PCDH17: variants seen among roughly 807,000 people sequenced by gnomAD.
PCDH17 encodes the protein protocadherin 17.
Under a neutral mutation model 67.7 loss-of-function variants are expected in PCDH17, and 21 were observed. The observed-to-expected ratio is 0.31, with a 90% confidence interval of 0.22 to 0.45. The LOEUF is 0.45. Ranked by LOEUF, PCDH17 falls within the 20% of genes least tolerant of loss-of-function variation. PCDH17 has a pLI of 1.00. For missense variants in PCDH17, 1,471 were observed against 1,564.8 expected (o/e 0.94, Z 1.01); for synonymous variants, 701 against 656.7 (o/e 1.07, Z -1.03).
At chr13:57,652,634 G>C (rs963335615) in intron 1 of PCDH17, among the ~76,000 whole-genome samples, 2 of 152,154 alleles carry the variant, frequency 1.3e-5, no homozygotes, top group Admixed American at 1.3e-4. Flanking sequence ...AACTGTTGTA[G>C]GATAGTGAAT....
chr13:57,632,493 C>G lies in PCDH17; in HGVS notation c.-54C>G, dbSNP rs932815757. 2.3e-5 allele frequency: 35 copies of G among 1,550,816 alleles called. No homozygotes were observed. The highest frequency in any genetic ancestry group is 3.0e-5 in the Non-Finnish European group (34 of 1,146,338). On this transcript the variant is annotated 5_prime_UTR_variant, in exon 1 of 4. Transcript: ENST00000377918. ...CCAGGGCCCCAGGCTGGCGCGCACT[C>G]CCTCTCTGGCTCCTCCAGTCCGATT...
rs1464706411 is a variant in PCDH17 at position 57,632,270 on chromosome 13, G to C, written c.-277G>C. ...AGACGAAACCCCTGGCTCACCCCCAGCCGCAGGAAGCCACCGCCTTGCTCC... is the reference window on the plus strand; with the variant it reads ...AGACGAAACCCCTGGCTCACCCCCACCCGCAGGAAGCCACCGCCTTGCTCC... On this transcript the variant is annotated 5_prime_UTR_variant, in exon 1 of 4. Coordinates refer to ENST00000377918, the MANE Select transcript of PCDH17 (RefSeq NM_001040429.3). The C allele has an allele frequency of 2.0e-6, 1 of 500,024 alleles. No individual in the cohort carries two copies. Among genetic ancestry groups the C allele is most frequent in the African/African-American group, 2.0e-5 (1 of 51,254 alleles). The allele number at this position is 500,024 out of a possible 1,614,324, so 31.0% of individuals were successfully genotyped here. A position where few individuals can be genotyped will look rare whatever the true frequency, so the allele number is the denominator to read the frequency against.
intron 1 of PCDH17, among the ~76,000 whole-genome samples, chr13:57,641,581 AAAAAAAAT>A (rs1954901272): frequency 1.4e-5 from 1 of 71,592 alleles, no homozygotes; most frequent in Admixed American, 1.7e-4. Context: ...AAAAAAAAAA[AAAAAAAAT>A]ATATATATAT....
intron 3 of PCDH17, among the ~76,000 whole-genome samples, chr13:57,718,163 A>G (rs1955839026): frequency 6.6e-6 from 1 of 152,068 alleles, no homozygotes; most frequent in African/African-American, 2.4e-5. Flanking sequence ...TAGCTTAGCT[A>G]AGCAAGGGAT....
At chr13:57,662,313 A>C (rs1469205482) in intron 1 of PCDH17, among the ~76,000 whole-genome samples, 3 of 152,214 alleles carry the variant, frequency 2.0e-5, no homozygotes, top group Non-Finnish European at 4.4e-5. Context: ...TTTTTCTGAG[A>C]ATTTGCATGG....
At chr13:57,669,365 A>G (rs1955293680) in intron 3 of PCDH17, among the ~76,000 whole-genome samples, 1 of 150,730 alleles carries the variant, frequency 6.6e-6, no homozygotes, top group African/African-American at 2.4e-5. Flanking sequence ...CTCTCTCTCT[A>G]TTTCTCCCCT....
upstream of PCDH17, among the ~76,000 whole-genome samples, chr13:57,631,556 A>G (rs542212766): frequency 7.2e-5 from 11 of 152,154 alleles, no homozygotes; most frequent in Non-Finnish European, 1.6e-4. Context: ...TAGAGAAATC[A>G]GAGAGTGTGT....
Position 57,725,442 on chromosome 13 carries a change from T to C in PCDH17, c.*148T>C. On this transcript the variant is annotated 3_prime_UTR_variant, in exon 4 of 4. Transcript: ENST00000377918. ...AGTGAACATCTGAAGTGCCCACAAGTATGTTCTTTCCACTGCTGATTTCTT... is the reference window on the plus strand; with the variant it reads ...AGTGAACATCTGAAGTGCCCACAAGCATGTTCTTTCCACTGCTGATTTCTT... 1 of 653,766 alleles carries C rather than the reference T, an allele frequency of 1.5e-6. No homozygotes were observed. 40.5% of individuals were successfully genotyped at this position (653,766 alleles called of 1,614,324 possible).
chr13:57,641,571 AAAAAAAAAAAAAAAAAAT>A (rs1196410298), intron 1 of PCDH17, among the ~76,000 whole-genome samples: 13 of 33,084 alleles, frequency 3.9e-4, no homozygotes, highest in African/African-American at 1.5e-3. Context: ...AAAAAAAAAA[AAAAAAAAAAAAAAAAAAT>A]ATATATATAT....
rs766245927 is a variant in PCDH17 at position 57,634,249 on chromosome 13, C to A, written c.1703C>A (p.Thr568Lys). ...CCCGCGCACTTGGAGAGCAACGCCA[C>A]GGTGAGGGTGACAGTGCTAGACGTG... is the stretch of plus-strand genomic sequence containing the variant. The part of the protein sequence containing the change: ...GAPAHLESNA[T>K]VRVTVLDVND... The change falls in exon 1 of 4, where the codon ACG (threonine) becomes AAG (lysine). Residue 568 changes from threonine to lysine, a missense_variant. Physicochemically the swap from Thr to Lys is moderately conservative, Grantham distance 78. Around this residue, in one of 3 missense-constraint regions of PCDH17, gnomAD observed 1,163 missense variants for 1,230.0 expected, o/e 0.95. Coordinates refer to ENST00000377918, the MANE Select transcript of PCDH17 (RefSeq NM_001040429.3). This position sits in a 1 kb window ranked among gnomAD's most constrained non-coding sequence, Gnocchi z 7.8. 1.2e-6 allele frequency: 2 copies of A among 1,613,268 alleles called. No individual in the cohort carries two copies. The highest frequency in any genetic ancestry group is 8.5e-7 in the Non-Finnish European group (1 of 1,180,032).
intron 1 of PCDH17, among the ~76,000 whole-genome samples, chr13:57,645,196 T>C (rs1300031364): frequency 1.3e-5 from 2 of 151,720 alleles, no homozygotes; most frequent in Non-Finnish European, 3.0e-5. Context: ...GATCAGTGTT[T>C]TAACTCTCTA....
chr13:57,724,723 G>A lies in PCDH17; in HGVS notation c.2909G>A (p.Arg970His), dbSNP rs149002900. 36 of 1,614,020 alleles carry A rather than the reference G, an allele frequency of 2.2e-5. No homozygotes were observed. In the African/African-American group the frequency reaches 2.4e-4, roughly 11 times the overall value. ...AANQAENADY[R>H]TNLFVPTVEA... The stretch of plus-strand genomic sequence containing the variant: ...AATCAGGCTGAAAATGCAGATTACC[G>A]CACAAATCTCTTTGTACCTACAGTT... The change falls in exon 4 of 4, where the codon CGC becomes CAC. Residue 970 changes from arginine (R) to histidine (H), a missense_variant. Physicochemically the swap from Arg to His is conservative, Grantham distance 29. Transcript: ENST00000377918.
At chr13:57,692,882 C>CA (rs1308686773) in intron 3 of PCDH17, among the ~76,000 whole-genome samples, 2 of 151,048 alleles carry the variant, frequency 1.3e-5, no homozygotes, top group African/African-American at 4.8e-5. Context: ...TGAAACATAT[C>CA]ATAAAACCTT....
chr13:57,685,751 C>T (rs1593926299), intron 3 of PCDH17, among the ~76,000 whole-genome samples: 1 of 151,770 alleles, frequency 6.6e-6, no homozygotes, highest in East Asian at 2.0e-4. Context: ...TCCTAGAACA[C>T]AAAAAGGACA....
intron 1 of PCDH17, among the ~76,000 whole-genome samples, chr13:57,666,002 G>T (rs1233649439): frequency 6.6e-6 from 1 of 152,112 alleles, no homozygotes; most frequent in Non-Finnish European, 1.5e-5. Flanking sequence ...GAAAGGCCCT[G>T]CATCTCTTAA....
At chr13:57,703,432 TAAG>T (rs1374995667) in intron 3 of PCDH17, among the ~76,000 whole-genome samples, 7 of 152,088 alleles carry the variant, frequency 4.6e-5, no homozygotes, top group Non-Finnish European at 8.8e-5. Context: ...GGAGGAAAGA[TAAG>T]GAGGAGTGAG....
chr13:57,679,908 G>A lies in PCDH17; in HGVS notation c.2797+13075G>A, dbSNP rs978225297. Among the ~76,000 whole-genome samples, 3 of 151,328 alleles carry A rather than the reference G, an allele frequency of 2.0e-5. No individual in the cohort carries two copies. In the Admixed American group the frequency reaches 2.0e-4, roughly 10 times the overall value. Reference sequence around the variant, plus strand: ...ACATCTTAAGTAAATATAAATCTGAGAATATTTTCTTTACTCATGGGGTTA... The same window carrying A: ...ACATCTTAAGTAAATATAAATCTGAAAATATTTTCTTTACTCATGGGGTTA... On this transcript the variant is annotated intron_variant, in intron 3 of 3. Coordinates refer to ENST00000377918, the MANE Select transcript of PCDH17 (RefSeq NM_001040429.3).
At chr13:57,665,726 C>A (rs1438043137) in intron 1 of PCDH17, among the ~76,000 whole-genome samples, 1 of 152,150 alleles carries the variant, frequency 6.6e-6, no homozygotes, top group East Asian at 1.9e-4. Context: ...TTTGGCAGAC[C>A]TCCATGTCAG....
At chr13:57,706,693 C>T (rs1052846827) in intron 3 of PCDH17, among the ~76,000 whole-genome samples, 4 of 152,134 alleles carry the variant, frequency 2.6e-5, no homozygotes, top group African/African-American at 7.2e-5. Flanking sequence ...TGTTCATCTT[C>T]TGTGTTGACA....
Sources: gnomAD v4.1 joint callset for allele counts (sites outside exome capture counted in the v4.1 genomes callset) on GRCh38, gnomAD v4.1.1 for gene constraint, gnomAD v4.1.1 regional missense constraint, Gnocchi (gnomAD v3.1) non-coding constraint, MANE v1.5 for transcripts, NCBI Gene and HGNC (gene_info 2026-07-23, HGNC 2026-07-21) for gene names.